The following CYFIP1 variants were observed in gnomAD, a reference collection of about 807,000 sequenced individuals.
CYFIP1 encodes the protein cytoplasmic FMR1-interacting protein 1.
A neutral mutation model predicts 163.5 loss-of-function variants in CYFIP1; 58 were observed. The observed-to-expected ratio is 0.35, with a 90% confidence interval of 0.29 to 0.44. The LOEUF is 0.44. Among genes scored for constraint, CYFIP1 ranks in the 20% least tolerant of loss-of-function variants. The probability of loss-of-function intolerance (pLI) is 1.00; values close to 1 mark genes in which losing one functional copy is unlikely to be tolerated. For synonymous variants in CYFIP1, 663 were observed against 660.7 expected, an observed-to-expected ratio of 1.00 and a Z score of -0.05; for missense variants, 1,338 against 1,653.8, an observed-to-expected ratio of 0.81 and a Z score of 3.31.
rs150653373 is a variant in CYFIP1 at position 22,874,595 on chromosome 15, G to A, written c.3165C>T (p.Ala1055=). 9.8e-5 allele frequency: 158 copies of A among 1,607,000 alleles called. No individual in the cohort carries two copies. The highest frequency in any genetic ancestry group is 6.6e-4 in the Middle Eastern group (4 of 6,034). The change falls in exon 28 of 31, where the codon GCC becomes GCT. Residue 1055 remains alanine, a synonymous_variant. Coordinates refer to ENST00000617928, the MANE Select transcript of CYFIP1 (RefSeq NM_014608.6). The part of the protein sequence containing the change: ...AKMKRLESKY[A]PLHLVPLIER... ...CAATCAGTGGGACAAGATGCAGCGGGGCGTACTTTGATTCTAGTCTTTTCA... is the reference window on the plus strand; with the variant it reads ...CAATCAGTGGGACAAGATGCAGCGGAGCGTACTTTGATTCTAGTCTTTTCA...
At chr15:22,879,773 C>T in intron 26 of CYFIP1, 140 bp downstream of exon 26, 2 of 621,136 alleles carry the variant, frequency 3.2e-6, no homozygotes, top group Non-Finnish European at 5.5e-6. Flanking sequence ...AAAGTCTCAA[C>T]AGCCACAAAA....
chr15:22,969,895 C>T (rs570657231), intron 1 of CYFIP1, among the ~76,000 whole-genome samples: 10 of 152,076 alleles, frequency 6.6e-5, no homozygotes, highest in African/African-American at 2.2e-4. Context: ...AACAGACCTG[C>T]GGACAAAAAT....
chr15:22,963,541 T>TAACATAACATAA (rs2062775440), intron 1 of CYFIP1, among the ~76,000 whole-genome samples: 5 of 140,322 alleles, frequency 3.6e-5, no homozygotes, highest in East Asian at 4.4e-4. Flanking sequence ...TAACATAACA[T>TAACATAACATAA]AACATAACAT....
chr15:22,894,202 T>C (rs1344347541), intron 22 of CYFIP1, among the ~76,000 whole-genome samples: 1 of 147,856 alleles, frequency 6.8e-6, no homozygotes, highest in Non-Finnish European at 1.5e-5. Context: ...AGACAACAAA[T>C]GGAAAATCAG....
chr15:22,907,071 T>C lies in CYFIP1; in HGVS notation c.2388+2123A>G, dbSNP rs1214416262. The stretch of plus-strand genomic sequence containing the variant: ...CCTCTCATGCTCCCCTCCGCCATGA[T>C]CCTAACCCTTACCAGCTTACATGCT... On this transcript the variant is annotated intron_variant, in intron 21 of 30. Coordinates refer to ENST00000617928, the MANE Select transcript of CYFIP1 (RefSeq NM_014608.6). 3.9e-5 allele frequency among the ~76,000 whole-genome samples: 6 copies of C among 152,164 alleles called. No individual in the cohort carries two copies. The East Asian group carries it at 1.2e-3, about 29-fold the overall frequency.
upstream of CYFIP1, chr15:22,980,464 GC>G: frequency 6.6e-6 from 1 of 152,024 alleles, no homozygotes; most frequent in Non-Finnish European, 1.5e-5. Context: ...CCCGGCCGCG[GC>G]CCCGGCCGCT....
intron 24 of CYFIP1, 26 bp from the exon 25 acceptor site, chr15:22,881,962 G>A (rs778631925): frequency 4.8e-5 from 76 of 1,599,620 alleles, no homozygotes; most frequent in Non-Finnish European, 5.8e-5. Context: ...GACGGGCTGC[G>A]TCAGCCACCC....
chr15:22,917,945 C>T lies in CYFIP1; in HGVS notation c.1527-10G>A. On this transcript the variant is annotated splice_polypyrimidine_tract_variant and intron_variant, in intron 14 of 30. Transcript: ENST00000617928. This position sits in a 1 kb window ranked among gnomAD's most constrained non-coding sequence, Gnocchi z 4.2. ...GATGGCCTGCAGGACACTGAACACC[C>T]CACCAAGTGATCAGCAAGGCCCAGA... The T allele has an allele frequency of 6.2e-7, 1 of 1,611,372 alleles. No homozygotes were observed. The highest frequency in any genetic ancestry group is 8.5e-7 in the Non-Finnish European group (1 of 1,178,902).
At chr15:22,935,422 G>GTT (rs2061682217) in intron 9 of CYFIP1, among the ~76,000 whole-genome samples, 1 of 152,178 alleles carries the variant, frequency 6.6e-6, no homozygotes, top group Non-Finnish European at 1.5e-5. Flanking sequence ...GCAGAAGTCA[G>GTT]TTCCAGGGGG....
At chr15:22,977,076 G>A (rs1328273250) in intron 1 of CYFIP1, among the ~76,000 whole-genome samples, 1 of 152,096 alleles carries the variant, frequency 6.6e-6, no homozygotes, top group African/African-American at 2.4e-5. Context: ...GCACATGCCT[G>A]TAATCCCAGC....
At chr15:22,976,969 G>A (rs1390658911) in intron 1 of CYFIP1, among the ~76,000 whole-genome samples, 1 of 152,166 alleles carries the variant, frequency 6.6e-6, no homozygotes, top group African/African-American at 2.4e-5. Context: ...GGAGGCCGAG[G>A]CAGGCGGATC....
chr15:22,969,076 T>C (rs72696035), intron 1 of CYFIP1, among the ~76,000 whole-genome samples: 1 of 152,276 alleles, frequency 6.6e-6, no homozygotes, highest in Non-Finnish European at 1.5e-5. Context: ...GCATCAAATT[T>C]TGGCTATGGA....
At position 22,916,569 on chromosome 15, in the gene CYFIP1, G is replaced by T; in HGVS notation, c.1736C>A (p.Thr579Asn). Residue 579 changes from threonine to asparagine, a missense_variant, in exon 16 of 31, where the codon ACC (threonine) becomes AAC (asparagine). Transcript: ENST00000617928. ...GGGCCCCTCAAGGCTACTTCTCAAG[G>T]TTTTCTTGGAACCACTTTTGTCTGC... Reference protein sequence around the residue: ...LIADKSGSKKTLRSSLEGPTI... With the variant: ...LIADKSGSKKNLRSSLEGPTI... The T allele has an allele frequency of 6.2e-7, 1 of 1,614,026 alleles. No homozygotes were observed. Among genetic ancestry groups the T allele is most frequent in the South Asian group, 1.1e-5 (1 of 91,088 alleles).
intron 13 of CYFIP1, among the ~76,000 whole-genome samples, chr15:22,921,030 A>G (rs1187451579): frequency 6.6e-6 from 1 of 152,146 alleles, no homozygotes; most frequent in African/African-American, 2.4e-5. Context: ...ATTCATCACT[A>G]ATTTATAGAA....
rs200693712 is a variant in CYFIP1 at position 22,903,682 on chromosome 15, C to T, written c.2588+24G>A. The T allele has an allele frequency of 1.6e-3, 2,515 of 1,612,668 alleles. 13 individuals carry two copies. Among genetic ancestry groups the T allele is most frequent in the East Asian group, 3.6e-3 (161 of 44,886 alleles). The stretch of plus-strand genomic sequence containing the variant: ...GGTCCCTGAGCGCCTCGCCTGTGGG[C>T]GCCTGTGTGGCGGGCACGCTCACCG... On this transcript the variant is annotated intron_variant, in intron 22 of 30. Transcript: ENST00000617928.
chr15:22,931,258 A>G (rs938880907), intron 11 of CYFIP1, among the ~76,000 whole-genome samples: 5 of 152,222 alleles, frequency 3.3e-5, no homozygotes, highest in African/African-American at 1.2e-4. Context: ...AGTCCCTGCC[A>G]GCAATTTGCA....
At chr15:22,940,680 G>T (rs117462861) in intron 6 of CYFIP1, among the ~76,000 whole-genome samples, 2,202 of 152,322 alleles carry the variant, frequency 0.014, 30 homozygotes, top group Non-Finnish European at 0.025. Context: ...ATTTATCTGG[G>T]CTTTAAATAA....
chr15:22,947,194 G>A lies in CYFIP1; in HGVS notation c.92C>T (p.Pro31Leu), dbSNP rs780497809. 6.2e-7 allele frequency: 1 copy of A among 1,614,086 alleles called. No homozygotes were observed. Among genetic ancestry groups the A allele is most frequent in the Admixed American group, 1.7e-5 (1 of 60,026 alleles). ...CTGGTAGAGCAGCGAGGATGGCGGGGGCTCGATGCAGGGCTGCTGGTCGGG... is the reference window on the plus strand; with the variant it reads ...CTGGTAGAGCAGCGAGGATGGCGGGAGCTCGATGCAGGGCTGCTGGTCGGG... The part of the protein sequence containing the change: ...PLPDQQPCIE[P>L]PPSSLLYQPN... The change falls in exon 2 of 31, where the codon CCC becomes CTC. Residue 31 changes from proline (P) to leucine (L), a missense_variant. Physicochemically the swap from Pro to Leu is moderately conservative, Grantham distance 98. Transcript: ENST00000617928.
At chr15:22,962,386 ATTC>A (rs765180036) in intron 1 of CYFIP1, among the ~76,000 whole-genome samples, 2 of 148,850 alleles carry the variant, frequency 1.3e-5, no homozygotes, top group Non-Finnish European at 3.0e-5. Context: ...TCTCATCTAT[ATTC>A]TTCTTTTTTT....
Sources: allele counts gnomAD v4.1 joint callset (sites outside exome capture counted in the v4.1 genomes callset), GRCh38; gene constraint gnomAD v4.1.1; non-coding constraint Gnocchi (gnomAD v3.1); transcripts MANE v1.5; gene names NCBI Gene and HGNC (gene_info 2026-07-23, HGNC 2026-07-21).